WASF3: variants seen among roughly 807,000 people sequenced by gnomAD.
WASF3 encodes the protein actin-binding protein WASF3.
Under a neutral mutation model 46.6 loss-of-function variants are expected in WASF3, and 11 were observed. The ratio of observed to expected loss-of-function variants is 0.24; its 90% CI spans 0.15 to 0.39. WASF3 has a LOEUF of 0.39. Ranked by LOEUF, WASF3 falls within the 10% of genes least tolerant of loss-of-function variation. The pLI, the probability that WASF3 is intolerant of heterozygous loss-of-function variation, is 1.00. For synonymous variants in WASF3, 242 were observed against 259.7 expected (o/e 0.93, Z 0.65); for missense variants, 576 against 669.8 (o/e 0.86, Z 1.55).
At position 26,642,366 on chromosome 13, in the gene WASF3, T is replaced by A. The variant is rs1593165765; in HGVS notation, c.96T>A (p.Ser32Arg). ...GCGAACTTGAATGTGTAACCAATAG[T>A]ACTCTTGCCGCTATCATACGCCAGC... Reference protein sequence around the residue: ...ITSELECVTNSTLAAIIRQLS... With the variant: ...ITSELECVTNRTLAAIIRQLS... The change falls in exon 3 of 10, where the codon AGT becomes AGA. Residue 32 changes from serine to arginine, a missense_variant. Transcript: ENST00000335327. 6.2e-7 allele frequency: 1 copy of A among 1,610,554 alleles called. No individual in the cohort carries two copies. The highest frequency in any genetic ancestry group is 8.5e-7 in the Non-Finnish European group (1 of 1,178,666).
At chr13:26,678,567 C>G (rs1479776446) in intron 7 of WASF3, among the ~76,000 whole-genome samples, 1 of 151,976 alleles carries the variant, frequency 6.6e-6, no homozygotes, top group East Asian at 1.9e-4. Flanking sequence ...CTGAGTGCAT[C>G]CAAGATACTG....
chr13:26,576,888 G>A, intron 1 of WASF3: 2 of 738,244 alleles, frequency 2.7e-6, no homozygotes, highest in Non-Finnish European at 4.6e-6. Context: ...GCAGCACCAT[G>A]GCTGTTGGCA....
chr13:26,584,070 C>T (rs934703448), intron 1 of WASF3, among the ~76,000 whole-genome samples: 18 of 152,316 alleles, frequency 1.2e-4, no homozygotes, highest in Admixed American at 2.6e-4. Context: ...GAAAAAGATA[C>T]GCAATTGGTT....
upstream of WASF3, among the ~76,000 whole-genome samples, chr13:26,556,326 A>G (rs1003316574): frequency 1.3e-5 from 2 of 152,216 alleles, no homozygotes; most frequent in Non-Finnish European, 2.9e-5. Context: ...TGACCTAAAC[A>G]TAGACATGGA....
At chr13:26,653,578 C>T (rs1274259370) in intron 3 of WASF3, among the ~76,000 whole-genome samples, 1 of 152,184 alleles carries the variant, frequency 6.6e-6, no homozygotes, top group Non-Finnish European at 1.5e-5. Context: ...ATAACTGTCT[C>T]CTCTGGAGAA....
intron 1 of WASF3, chr13:26,577,313 A>T: frequency 1.3e-6 from 1 of 751,090 alleles, no homozygotes. Context: ...GTTTTCCTAA[A>T]AACAATGTAA....
chr13:26,599,373 G>A (rs1348891402), intron 1 of WASF3, among the ~76,000 whole-genome samples: 1 of 151,954 alleles, frequency 6.6e-6, no homozygotes, highest in Non-Finnish European at 1.5e-5. Flanking sequence ...TTGTAGAGAT[G>A]GTAAAAGCTG....
chr13:26,647,317 A>T (rs1263410408), intron 3 of WASF3, among the ~76,000 whole-genome samples: 1 of 152,174 alleles, frequency 6.6e-6, no homozygotes. Context: ...AGTGTGAGCA[A>T]TCAGAGTGGC....
chr13:26,662,850 G>A (rs1227554961), intron 3 of WASF3, among the ~76,000 whole-genome samples: 3 of 144,496 alleles, frequency 2.1e-5, no homozygotes, highest in Non-Finnish European at 3.0e-5. Context: ...GAAGTGCAGT[G>A]CACAGGGCCC....
intron 1 of WASF3, among the ~76,000 whole-genome samples, chr13:26,584,654 TTAAAA>T (rs1880078173): frequency 1.3e-5 from 2 of 152,250 alleles, no homozygotes; most frequent in Admixed American, 6.5e-5. Flanking sequence ...TTTCTGTAAG[TTAAAA>T]TAAGGAATTT....
chr13:26,672,090 G>A (rs1882940077), intron 6 of WASF3, 101 bp downstream of exon 6: 1 of 929,940 alleles, frequency 1.1e-6, no homozygotes, highest in Non-Finnish European at 1.6e-6. Flanking sequence ...TGGATATAGT[G>A]CTGAAGTTTT....
chr13:26,608,837 G>A (rs17084385), intron 1 of WASF3, among the ~76,000 whole-genome samples: 7,521 of 152,164 alleles, frequency 0.049, 647 homozygotes, highest in African/African-American at 0.17. Context: ...CTGAATCTAG[G>A]AGTGGTTACA....
In WASF3 at chr13:26,559,822, T is replaced by C. The variant is rs1202046720; in HGVS notation, c.-109+2003T>C. On this transcript the variant is annotated intron_variant, in intron 1 of 9. Transcript: ENST00000335327. The stretch of plus-strand genomic sequence containing the variant: ...TTTCTTTCTTTCTTTTTTTTTTTTT[T>C]TTTTTTTTTTTTGAGACGGAGTCTT... 6.3e-4 allele frequency among the ~76,000 whole-genome samples: 81 copies of C among 128,648 alleles called. 2 individuals carry two copies. Among genetic ancestry groups the C allele is most frequent in the South Asian group, 4.8e-3 (17 of 3,524 alleles). The allele number at this position is 128,648 out of a possible 152,430, so 84.4% of individuals were successfully genotyped here. A position where few individuals can be genotyped will look rare whatever the true frequency, so the allele number is the denominator to read the frequency against.
chr13:26,627,403 A>G (rs1881501073), intron 2 of WASF3, among the ~76,000 whole-genome samples: 1 of 152,134 alleles, frequency 6.6e-6, no homozygotes, highest in Non-Finnish European at 1.5e-5. Flanking sequence ...TGGGGTGTAC[A>G]TTTATTGCTG....
chr13:26,634,561 G>T (rs474485), intron 2 of WASF3, among the ~76,000 whole-genome samples: 50,250 of 152,048 alleles, frequency 0.33, 8,790 homozygotes, highest in East Asian at 0.57. Flanking sequence ...ACTGTTAATT[G>T]ATCCAGTTTA....
the WASF3 span, among the ~76,000 whole-genome samples, chr13:26,547,393 AACACACACAC>A: frequency 3.1e-4 from 41 of 131,336 alleles, no homozygotes; most frequent in South Asian, 4.3e-3. Context: ...CTACCCCATC[AACACACACAC>A]ACACACACAC....
chr13:26,635,527 A>G lies in WASF3; in HGVS notation c.-10-6734A>G, dbSNP rs527803210. On this transcript the variant is annotated intron_variant, in intron 2 of 9. Coordinates refer to ENST00000335327, the MANE Select transcript of WASF3 (RefSeq NM_006646.6). ...GTCATTCTCCGTCCAGCTTTGTTCC[A>G]TTGCTGGCAAGGAGCTGTGATCCTT... Among the ~76,000 whole-genome samples, 11 of 152,218 alleles carry G rather than the reference A, an allele frequency of 7.2e-5. No homozygotes were observed. The South Asian group carries it at 1.2e-3, about 17-fold the overall frequency.
chr13:26,666,326 C>A (rs1229240049), intron 4 of WASF3, among the ~76,000 whole-genome samples: 1 of 152,086 alleles, frequency 6.6e-6, no homozygotes, highest in Non-Finnish European at 1.5e-5. Flanking sequence ...ATAAACCTTA[C>A]CCTAGAAAAG....
At chr13:26,590,446 T>C (rs1245593811) in intron 1 of WASF3, among the ~76,000 whole-genome samples, 2 of 152,204 alleles carry the variant, frequency 1.3e-5, no homozygotes, top group Non-Finnish European at 2.9e-5. Context: ...TTAAAATTTC[T>C]TTTTCTCTTT....
Sources: allele counts gnomAD v4.1 joint callset (sites outside exome capture counted in the v4.1 genomes callset), GRCh38; gene constraint gnomAD v4.1.1; transcripts MANE v1.5; gene names NCBI Gene and HGNC (gene_info 2026-07-23, HGNC 2026-07-21).